ZDHHC20: variants seen among roughly 807,000 people sequenced by gnomAD.
The protein encoded by ZDHHC20 is palmitoyltransferase ZDHHC20.
ZDHHC20 carries 43 observed loss-of-function variants against 57.8 expected under a neutral mutation model. The observed-to-expected ratio is 0.74, with a 90% CI of 0.58 to 0.96. ZDHHC20 has a LOEUF of 0.96. ZDHHC20 is among the 40% of genes least tolerant of loss of function. The pLI, the probability that ZDHHC20 is intolerant of heterozygous loss-of-function variation, is 0.00. For synonymous variants in ZDHHC20, 157 were observed against 153.0 expected (o/e 1.03, Z -0.19); for missense variants, 391 against 441.1 (o/e 0.89, Z 1.02).
At chr13:21,384,363 C>T (rs771268830) in intron 9 of ZDHHC20, among the ~76,000 whole-genome samples, 26 of 151,008 alleles carry the variant, frequency 1.7e-4, no homozygotes, top group Non-Finnish European at 2.9e-4. Context: ...TCGCTTGAAC[C>T]CGGGAGGCGG....
intron 7 of ZDHHC20, among the ~76,000 whole-genome samples, chr13:21,399,782 G>C (rs1566078144): frequency 6.6e-6 from 1 of 151,878 alleles, no homozygotes; most frequent in African/African-American, 2.4e-5. Context: ...TCCGTACCTT[G>C]TTTTTTTCAC....
rs201444203 is a variant in ZDHHC20 at position 21,459,187 on chromosome 13, G to T, written c.-16C>A. The T allele has an allele frequency of 9.0e-4, 1,428 of 1,585,156 alleles. 16 individuals are homozygous for T. In the African/African-American group the frequency reaches 0.018, roughly 20 times the overall value. ...AGGGCGCCATGTTCCGCTGGCGGCT[G>T]CCGAGCCCCGCGTCCCACCGTTCTG... On this transcript the variant is annotated 5_prime_UTR_variant, in exon 1 of 13. Coordinates refer to ENST00000400590, the MANE Select transcript of ZDHHC20 (RefSeq NM_001330059.2).
At chr13:21,411,921 AG>A (rs1189955495) in intron 4 of ZDHHC20, among the ~76,000 whole-genome samples, 1 of 152,254 alleles carries the variant, frequency 6.6e-6, no homozygotes, top group Non-Finnish European at 1.5e-5. Flanking sequence ...CCAGTATTGT[AG>A]GAGCTTGAAG....
At chr13:21,445,662 C>T (rs548301560) in intron 1 of ZDHHC20, among the ~76,000 whole-genome samples, 2 of 152,254 alleles carry the variant, frequency 1.3e-5, no homozygotes, top group African/African-American at 4.8e-5. Flanking sequence ...TACTAGCATG[C>T]GAATTGGCGG....
intron 7 of ZDHHC20, among the ~76,000 whole-genome samples, chr13:21,395,876 C>T (rs1012683818): frequency 6.6e-6 from 1 of 152,146 alleles, no homozygotes; most frequent in African/African-American, 2.4e-5. Context: ...TGCCCCTCCC[C>T]AGGCTAGCCA....
chr13:21,381,849 T>C, intron 10 of ZDHHC20: 5 of 572,902 alleles, frequency 8.7e-6, no homozygotes, highest in Non-Finnish European at 1.3e-5. Context: ...GAGCCATAGG[T>C]AGTACAAGGA....
chr13:21,443,301 C>T (rs183437457), intron 1 of ZDHHC20, among the ~76,000 whole-genome samples: 59 of 152,234 alleles, frequency 3.9e-4, no homozygotes, highest in African/African-American at 1.2e-3. Context: ...TTCTCAGTTG[C>T]TATGCTCTGA....
intron 4 of ZDHHC20, among the ~76,000 whole-genome samples, chr13:21,409,848 C>T (rs1412306785): frequency 1.3e-5 from 2 of 152,096 alleles, no homozygotes; most frequent in Non-Finnish European, 1.5e-5. Flanking sequence ...TTTAGCTCAG[C>T]GGAGTTTATT....
chr13:21,397,689 A>G (rs557012625), intron 7 of ZDHHC20, among the ~76,000 whole-genome samples: 5 of 152,286 alleles, frequency 3.3e-5, no homozygotes, highest in African/African-American at 1.2e-4. Flanking sequence ...AAAAAAGATT[A>G]GTATCTTTAA....
In ZDHHC20 at chr13:21,373,809, CCT is replaced by C. The variant is rs1249907362; in HGVS notation, c.*2885_*2886del. ...TGAGATACCAAAGAGGCAGCCTTTC[CCT>C]GATTCCCACACCACTTGTAGGCCTT... is the stretch of plus-strand genomic sequence containing the variant. On this transcript the variant is annotated 3_prime_UTR_variant, in exon 13 of 13. Transcript: ENST00000400590. 2 of 152,200 alleles carry C rather than the reference CCT, an allele frequency of 1.3e-5. No individual in the cohort carries two copies. Among genetic ancestry groups the C allele is most frequent in the African/African-American group, 4.8e-5 (2 of 41,434 alleles). The allele number at this position is 152,200 out of a possible 1,614,324, so 9.4% of individuals were successfully genotyped here.
intron 8 of ZDHHC20, among the ~76,000 whole-genome samples, chr13:21,389,258 A>T (rs1249283982): frequency 4.6e-5 from 7 of 152,164 alleles, no homozygotes; most frequent in Non-Finnish European, 1.0e-4. Flanking sequence ...AAGAACAAAC[A>T]TCTGAATCAG....
Position 21,391,731 on chromosome 13 carries a change from T to C in ZDHHC20, c.718A>G (p.Thr240Ala), listed in dbSNP as rs748009023. Residue 240 changes from threonine (T) to alanine (A), a missense_variant, in exon 8 of 13, where the codon ACA becomes GCA. Coordinates refer to ENST00000400590, the MANE Select transcript of ZDHHC20 (RefSeq NM_001330059.2). ...YHCWLVGKNR[T>A]TIESFRAPTF... ...ATTTTAACCTACTTACCTATTGTTG[T>C]TCTATTTTTTCCAACTAGCCAGCAG... 1 of 1,608,798 alleles carries C rather than the reference T, an allele frequency of 6.2e-7. No homozygotes were observed. The highest frequency in any genetic ancestry group is 2.2e-5 in the East Asian group (1 of 44,846).
rs116817172 is a variant in ZDHHC20, at chr13:21,420,025, G to A, written c.249+1036C>T. ...CTTAGGCCGGGCGTAAATGGCTCAC[G>A]CCTGTAATCCCAGCACTTTGGGAGG... is the stretch of plus-strand genomic sequence containing the variant. On this transcript the variant is annotated intron_variant, in intron 3 of 12. Transcript: ENST00000400590. 7.5e-3 allele frequency among the ~76,000 whole-genome samples: 1,138 copies of A among 152,242 alleles called. 7 individuals are homozygous for A. The highest frequency in any genetic ancestry group is 0.026 in the African/African-American group (1,072 of 41,542).
At chr13:21,445,663 G>A (rs1010513010) in intron 1 of ZDHHC20, among the ~76,000 whole-genome samples, 1 of 152,098 alleles carries the variant, frequency 6.6e-6, no homozygotes, top group Non-Finnish European at 1.5e-5. Context: ...ACTAGCATGC[G>A]AATTGGCGGC....
intron 1 of ZDHHC20, among the ~76,000 whole-genome samples, chr13:21,450,454 C>CT (rs1051455547): frequency 3.9e-5 from 6 of 152,104 alleles, no homozygotes; most frequent in South Asian, 2.1e-4. Context: ...TAAAACAGAT[C>CT]TTTTTTTTCA....
In ZDHHC20 at chr13:21,438,366, G is replaced by T. The variant is rs537212750; in HGVS notation, c.119-12688C>A. Among the ~76,000 whole-genome samples the T allele has an allele frequency of 2.6e-5, 4 of 152,240 alleles. No homozygotes were observed. The South Asian group carries it at 8.3e-4, about 32-fold the overall frequency. ...GAGGTCAAAATATCAACATTAACAG[G>T]ACTACAGAAGAAGCTGATTCCAGTC... On this transcript the variant is annotated intron_variant, in intron 1 of 12. Transcript: ENST00000400590.
At position 21,373,737 on chromosome 13, in the gene ZDHHC20, TTTGA is replaced by T. The variant is rs1298142484; in HGVS notation, c.*2955_*2958del. On this transcript the variant is annotated 3_prime_UTR_variant, in exon 13 of 13. Transcript: ENST00000400590. ...CTTCTAAAATTTGACAGGGCTTCAT[TTTGA>T]TTTTTTCTCCCCAAATAGTTGATAG... 3 of 152,252 alleles carry T rather than the reference TTTGA, an allele frequency of 2.0e-5. No individual in the cohort carries two copies. Among genetic ancestry groups the T allele is most frequent in the Non-Finnish European group, 4.4e-5 (3 of 68,040 alleles). The allele number at this position is 152,252 out of a possible 1,614,324, so 9.4% of individuals were successfully genotyped here.
intron 2 of ZDHHC20, among the ~76,000 whole-genome samples, chr13:21,421,539 T>C (rs903695040): frequency 1.3e-5 from 2 of 152,144 alleles, no homozygotes; most frequent in Admixed American, 1.3e-4. Context: ...GAACATTACA[T>C]CCAAGGAACT....
intron 3 of ZDHHC20, among the ~76,000 whole-genome samples, chr13:21,415,698 A>C (rs1337012652): frequency 6.6e-6 from 1 of 152,222 alleles, no homozygotes; most frequent in African/African-American, 2.4e-5. Flanking sequence ...ATTTCCTGAC[A>C]TGATGTGTCT....
Sources: gnomAD v4.1 joint callset for allele counts (sites outside exome capture counted in the v4.1 genomes callset) on GRCh38, gnomAD v4.1.1 for gene constraint, MANE v1.5 for transcripts, NCBI Gene and HGNC (gene_info 2026-07-23, HGNC 2026-07-21) for gene names.